Variants in ARB2A observed in about 807,000 individuals in gnomAD.
ARB2A encodes ARB2 cotranscriptional regulator A, also known as cotranscriptional regulator ARB2A.
chr5:94,053,491 T>C, the ARB2A span, among the ~76,000 whole-genome samples: 7 of 152,140 alleles, frequency 4.6e-5, no homozygotes, highest in African/African-American at 1.7e-4. Flanking sequence ...CCCTTCAAAA[T>C]AGACAGCTAT....
At chr5:93,888,442 T>C in the ARB2A span, among the ~76,000 whole-genome samples, 17 of 151,848 alleles carry the variant, frequency 1.1e-4, no homozygotes, top group South Asian at 6.2e-4. Flanking sequence ...CTTTATTACA[T>C]GGTCTAAAGA....
At chr5:93,725,025 G>C in the ARB2A span, among the ~76,000 whole-genome samples, 10 of 152,006 alleles carry the variant, frequency 6.6e-5, no homozygotes, top group Non-Finnish European at 1.5e-4. Flanking sequence ...TGTTCCATGA[G>C]GGACAGAGTA....
the ARB2A span, among the ~76,000 whole-genome samples, chr5:93,657,407 A>T: frequency 1.3e-5 from 2 of 152,142 alleles, no homozygotes; most frequent in African/African-American, 4.8e-5. Flanking sequence ...CTTTCATGAC[A>T]TGTCTTATAC....
chr5:93,914,441 A>C, the ARB2A span, among the ~76,000 whole-genome samples: 1 of 152,032 alleles, frequency 6.6e-6, no homozygotes, highest in East Asian at 1.9e-4. Context: ...CATCCAAAAT[A>C]GTACTATCTT....
the ARB2A span, among the ~76,000 whole-genome samples, chr5:93,932,969 A>T: frequency 6.6e-6 from 1 of 152,220 alleles, no homozygotes; most frequent in Non-Finnish European, 1.5e-5. Context: ...AAAACAAACA[A>T]TTCCATCAAA....
At chr5:93,677,968 A>G in the ARB2A span, among the ~76,000 whole-genome samples, 1 of 152,206 alleles carries the variant, frequency 6.6e-6, no homozygotes, top group South Asian at 2.1e-4. Flanking sequence ...GTGGATACTG[A>G]GTGAGCATGA....
the ARB2A span, among the ~76,000 whole-genome samples, chr5:93,780,217 A>G: frequency 2.0e-5 from 3 of 152,102 alleles, no homozygotes; most frequent in Non-Finnish European, 4.4e-5. Context: ...TCAAGTTTCT[A>G]AAGCCCTACA....
the ARB2A span, among the ~76,000 whole-genome samples, chr5:94,072,035 T>C: frequency 6.6e-6 from 1 of 152,078 alleles, no homozygotes; most frequent in Non-Finnish European, 1.5e-5. Context: ...TCATCGGTAA[T>C]AAACACAAAT....
the ARB2A span, chr5:93,866,194 A>G: frequency 3.0e-6 from 3 of 985,380 alleles, no homozygotes; most frequent in Non-Finnish European, 3.6e-6. Flanking sequence ...TCTGTACAAG[A>G]ATTTCTGAGG....
the ARB2A span, among the ~76,000 whole-genome samples, chr5:93,645,000 G>T: frequency 6.6e-6 from 1 of 152,038 alleles, no homozygotes; most frequent in Non-Finnish European, 1.5e-5. Flanking sequence ...CAAACCTATT[G>T]GAGAAAAGAG....
the ARB2A span, among the ~76,000 whole-genome samples, chr5:93,830,436 G>C: frequency 6.7e-6 from 1 of 149,730 alleles, no homozygotes; most frequent in African/African-American, 2.5e-5. Flanking sequence ...CCATGATCCT[G>C]GCCTTTAATA....
the ARB2A span, among the ~76,000 whole-genome samples, chr5:93,877,500 G>A: frequency 6.6e-6 from 1 of 151,986 alleles, no homozygotes; most frequent in East Asian, 1.9e-4. Flanking sequence ...CTGTACTAAT[G>A]CAAAAAGCAG....
the ARB2A span, among the ~76,000 whole-genome samples, chr5:93,657,702 C>CCA: frequency 6.6e-6 from 1 of 152,128 alleles, no homozygotes; most frequent in Non-Finnish European, 1.5e-5. Context: ...TTGGAAGAAT[C>CCA]CAAGACTCAC....
the ARB2A span, among the ~76,000 whole-genome samples, chr5:93,961,162 C>T: frequency 1.2e-4 from 19 of 152,260 alleles, no homozygotes; most frequent in South Asian, 3.5e-3. Context: ...TGTCTAAACA[C>T]GCACAAAGAA....
chr5:93,829,036 C>T, the ARB2A span, among the ~76,000 whole-genome samples: 1 of 152,132 alleles, frequency 6.6e-6, no homozygotes, highest in Non-Finnish European at 1.5e-5. Flanking sequence ...CCCGGCCTCC[C>T]AAAGTGCTGG....
chr5:93,789,074 T>C, the ARB2A span, among the ~76,000 whole-genome samples: 9 of 152,298 alleles, frequency 5.9e-5, no homozygotes, highest in East Asian at 1.9e-4. Flanking sequence ...TGCAGACCCA[T>C]AGCTATGTTT....
the ARB2A span, among the ~76,000 whole-genome samples, chr5:93,634,649 G>C: frequency 6.6e-6 from 1 of 152,168 alleles, no homozygotes; most frequent in Non-Finnish European, 1.5e-5. Context: ...CTAGCACTGA[G>C]AACTCACAGA....
At chr5:93,851,057 G>C in the ARB2A span, among the ~76,000 whole-genome samples, 1 of 151,968 alleles carries the variant, frequency 6.6e-6, no homozygotes, top group Non-Finnish European at 1.5e-5. Context: ...GGGCAAAGTG[G>C]AATTCATTCA....
At chr5:93,656,341 T>C in the ARB2A span, among the ~76,000 whole-genome samples, 4 of 152,228 alleles carry the variant, frequency 2.6e-5, no homozygotes, top group Non-Finnish European at 5.9e-5. Context: ...ACATTTTGCT[T>C]CTAACCTGCT....
Sources: allele counts gnomAD v4.1 joint callset (sites outside exome capture counted in the v4.1 genomes callset), GRCh38; gene constraint gnomAD v4.1.1; transcripts MANE v1.5; gene names NCBI Gene and HGNC (gene_info 2026-07-23, HGNC 2026-07-21).